IQCH: variants seen among roughly 807,000 people sequenced by gnomAD.
IQCH encodes the protein IQ domain-containing protein H.
Under a neutral mutation model 117.0 loss-of-function variants are expected in IQCH, and 98 were observed. That is an observed-to-expected ratio of 0.84 (90% CI 0.71 to 0.99). The LOEUF (loss-of-function observed/expected upper bound fraction) is 0.99. IQCH is among the 50% of genes least tolerant of loss of function. IQCH has a pLI of 0.00. For synonymous variants in IQCH, 412 were observed against 448.2 expected (o/e 0.92, Z 1.02); for missense variants, 1,102 against 1,243.8 (o/e 0.89, Z 1.72).
intron 4 of IQCH, among the ~76,000 whole-genome samples, chr15:67,289,693 C>G (rs1434090776): frequency 6.6e-6 from 1 of 152,056 alleles, no homozygotes; most frequent in African/African-American, 2.4e-5. Flanking sequence ...GTATGGAGGT[C>G]AGAAGAAATA....
At chr15:67,287,515 G>T (rs1439050909) in intron 4 of IQCH, among the ~76,000 whole-genome samples, 1 of 152,234 alleles carries the variant, frequency 6.6e-6, no homozygotes, top group Non-Finnish European at 1.5e-5. Context: ...TATATGTCTA[G>T]AAATTTATAC....
rs1428588604 is a variant in IQCH at position 67,426,745 on chromosome 15, A to G, written c.2505+5168A>G. 1.3e-5 allele frequency among the ~76,000 whole-genome samples: 2 copies of G among 152,144 alleles called. No individual in the cohort carries two copies. The highest frequency in any genetic ancestry group is 6.5e-5 in the Admixed American group (1 of 15,268). On this transcript the variant is annotated intron_variant, in intron 16 of 20. Coordinates refer to ENST00000335894, the MANE Select transcript of IQCH (RefSeq NM_001031715.3). The surrounding 1 kb of genome is among the most constrained non-coding windows in gnomAD (Gnocchi z 5.1). ...TCCCAGCACTTTGGGAGGCTGAGGCAGGAGAATTGCTTGAGCTCAGGAGTT... is the reference window on the plus strand; with the variant it reads ...TCCCAGCACTTTGGGAGGCTGAGGCGGGAGAATTGCTTGAGCTCAGGAGTT...
intron 14 of IQCH, among the ~76,000 whole-genome samples, chr15:67,410,841 T>G (rs1452931473): frequency 3.3e-5 from 5 of 152,178 alleles, no homozygotes; most frequent in Non-Finnish European, 5.9e-5. Flanking sequence ...GATGATATAA[T>G]CCAGCCCAGA....
intron 14 of IQCH, among the ~76,000 whole-genome samples, chr15:67,412,604 G>C (rs1018353069): frequency 1.3e-5 from 2 of 151,948 alleles, no homozygotes; most frequent in African/African-American, 4.8e-5. Context: ...TCACCATGTT[G>C]GTCAAGCTGG....
intron 20 of IQCH, among the ~76,000 whole-genome samples, chr15:67,495,310 T>C (rs1313366271): frequency 6.6e-6 from 1 of 152,220 alleles, no homozygotes; most frequent in Non-Finnish European, 1.5e-5. Flanking sequence ...ACAGACCAAA[T>C]GTTACATCAG....
chr15:67,294,664 A>G (rs1450845703), intron 4 of IQCH, among the ~76,000 whole-genome samples: 1 of 152,224 alleles, frequency 6.6e-6, no homozygotes, highest in Non-Finnish European at 1.5e-5. Context: ...CAACACCCTG[A>G]TGATTGTAGA....
Position 67,494,289 on chromosome 15 carries a change from A to G in IQCH, c.2893A>G (p.Met965Val), listed in dbSNP as rs781344246. ...CGGCGAGGATCTCCAGGGGGTCCTC[A>G]TGACCTTTGCTCGCCATCTCTTCAT... ...TIGEDLQGVL[M>V]TFARHLFIIH... The change falls in exon 20 of 21, where the codon ATG becomes GTG. Residue 965 changes from methionine (M) to valine (V), a missense_variant. By Grantham distance (21) the Met-to-Val change is conservative. Transcript: ENST00000335894. This position sits in a 1 kb window ranked among gnomAD's most constrained non-coding sequence, Gnocchi z 5.5. 28 of 1,612,868 alleles carry G rather than the reference A, an allele frequency of 1.7e-5. No homozygotes were observed. Among genetic ancestry groups the G allele is most frequent in the South Asian group, 2.2e-5 (2 of 90,712 alleles).
rs2081356859 is a variant in IQCH at position 67,408,204 on chromosome 15, C to T, written c.2097+7899C>T. 1 of 152,240 alleles carries T rather than the reference C, an allele frequency of 6.6e-6. No individual in the cohort carries two copies. The highest frequency in any genetic ancestry group is 1.5e-5 in the Non-Finnish European group (1 of 68,060). The allele number at this position is 152,240 out of a possible 1,614,324, so 9.4% of individuals were successfully genotyped here. On this transcript the variant is annotated intron_variant, in intron 14 of 20. Transcript: ENST00000335894. This position sits in a 1 kb window ranked among gnomAD's most constrained non-coding sequence, Gnocchi z 4.2. ...GAGAATTGGTTAGTGTTCTCACATC[C>T]AGGAAGTCCCTGTTGGAGGTCTTTT...
chr15:67,350,674 C>T (rs899253867), intron 6 of IQCH, among the ~76,000 whole-genome samples: 6 of 152,130 alleles, frequency 3.9e-5, no homozygotes, highest in Non-Finnish European at 8.8e-5. Context: ...GATCCACTCG[C>T]CTAGGCCTCC....
intron 10 of IQCH, among the ~76,000 whole-genome samples, chr15:67,378,432 A>G (rs1970810981): frequency 6.7e-6 from 1 of 149,086 alleles, no homozygotes; most frequent in African/African-American, 2.5e-5. Context: ...TATAGAATCC[A>G]TAGTTTAGCT....
intron 18 of IQCH, among the ~76,000 whole-genome samples, chr15:67,489,036 A>T (rs2083568082): frequency 7.0e-6 from 1 of 143,388 alleles, no homozygotes; most frequent in Admixed American, 7.0e-5. Context: ...TACATATATA[A>T]TTTTTTTTTT....
At chr15:67,279,148 G>T (rs1466530844) in intron 3 of IQCH, among the ~76,000 whole-genome samples, 1 of 152,092 alleles carries the variant, frequency 6.6e-6, no homozygotes, top group African/African-American at 2.4e-5. Flanking sequence ...TATAAACTCA[G>T]CCAGAAATAG....
chr15:67,347,684 A>G (rs1338250082), intron 6 of IQCH, among the ~76,000 whole-genome samples: 16 of 151,318 alleles, frequency 1.1e-4, no homozygotes, highest in Admixed American at 1.1e-3. Flanking sequence ...TGAAGCTATC[A>G]TCACCCTGAC....
intron 17 of IQCH, among the ~76,000 whole-genome samples, chr15:67,469,804 A>T (rs901133513): frequency 6.6e-6 from 1 of 152,202 alleles, no homozygotes; most frequent in Non-Finnish European, 1.5e-5. Context: ...TTTAGATAGG[A>T]AGACAAGGTT....
intron 16 of IQCH, among the ~76,000 whole-genome samples, chr15:67,451,183 C>T (rs1274333293): frequency 2.0e-5 from 3 of 151,974 alleles, no homozygotes; most frequent in Non-Finnish European, 2.9e-5. Context: ...AGCTCCTGGA[C>T]TCATTGATTT....
At chr15:67,280,534 CAG>C (rs752838498) in intron 4 of IQCH, among the ~76,000 whole-genome samples, 89 of 152,146 alleles carry the variant, frequency 5.8e-4, no homozygotes, top group Non-Finnish European at 1.1e-3. Flanking sequence ...CAGAGAGAGA[CAG>C]AGAGAAAACC....
At chr15:67,297,724 A>G (rs563578313) in intron 4 of IQCH, among the ~76,000 whole-genome samples, 13 of 152,338 alleles carry the variant, frequency 8.5e-5, no homozygotes, top group African/African-American at 3.1e-4. Flanking sequence ...TCCACACATT[A>G]TAATTGTATT....
At chr15:67,363,900 G>T (rs548769700) in intron 8 of IQCH, among the ~76,000 whole-genome samples, 5 of 152,228 alleles carry the variant, frequency 3.3e-5, no homozygotes, top group African/African-American at 1.2e-4. Flanking sequence ...TCTTTTCCAT[G>T]GCTGCATAGT....
rs1001102951 is a variant in IQCH, at chr15:67,413,339, T to G, written c.2098-3592T>G. ...CAGTGTTCTTAGCTTGTTAAACCAC[T>G]GCTGCGATGGAGTCCTTTGCTCCTG... is the stretch of plus-strand genomic sequence containing the variant. On this transcript the variant is annotated intron_variant, in intron 14 of 20. Coordinates refer to ENST00000335894, the MANE Select transcript of IQCH (RefSeq NM_001031715.3). This position sits in a 1 kb window ranked among gnomAD's most constrained non-coding sequence, Gnocchi z 5.0. 5.9e-5 allele frequency among the ~76,000 whole-genome samples: 9 copies of G among 152,180 alleles called. No individual in the cohort carries two copies. Among genetic ancestry groups the G allele is most frequent in the Non-Finnish European group, 1.0e-4 (7 of 68,032 alleles).
Sources: allele counts gnomAD v4.1 joint callset (sites outside exome capture counted in the v4.1 genomes callset), GRCh38; gene constraint gnomAD v4.1.1; non-coding constraint Gnocchi (gnomAD v3.1); transcripts MANE v1.5; gene names NCBI Gene and HGNC (gene_info 2026-07-23, HGNC 2026-07-21).